PEBP4: variants seen among roughly 807,000 people sequenced by gnomAD.
PEBP4 encodes the protein phosphatidylethanolamine-binding protein 4.
Under a neutral mutation model 23.9 loss-of-function variants are expected in PEBP4, and 22 were observed. That is an observed-to-expected ratio of 0.92 (90% CI 0.66 to 1.31). PEBP4 has a LOEUF of 1.31. Among genes scored for constraint, PEBP4 ranks in the 40% most tolerant of loss-of-function variants. The probability of loss-of-function intolerance (pLI) is 0.00; values close to 1 mark genes in which losing one functional copy is unlikely to be tolerated. For synonymous variants in PEBP4, 112 were observed against 99.3 expected (o/e 1.13, Z -0.76); for missense variants, 324 against 281.7 (o/e 1.15, Z -1.07).
chr8:22,759,631 T>C (rs983873397), intron 4 of PEBP4, among the ~76,000 whole-genome samples: 3 of 152,190 alleles, frequency 2.0e-5, no homozygotes, highest in African/African-American at 7.2e-5. Flanking sequence ...GGCTCTGCCA[T>C]GGGTTCAAGT....
chr8:22,729,457 G>C (rs1166363087), intron 4 of PEBP4, among the ~76,000 whole-genome samples: 1 of 152,266 alleles, frequency 6.6e-6, no homozygotes, highest in Non-Finnish European at 1.5e-5. Context: ...AGGCAAGGGT[G>C]GGGGCCAGGG....
At chr8:22,716,918 C>T (rs758367658) in intron 6 of PEBP4, among the ~76,000 whole-genome samples, 4 of 152,200 alleles carry the variant, frequency 2.6e-5, no homozygotes, top group African/African-American at 7.2e-5. Flanking sequence ...CTGCCCTTGG[C>T]GAGTTTCTAA....
upstream of PEBP4, among the ~76,000 whole-genome samples, chr8:22,931,976 G>A (rs911960556): frequency 1.3e-5 from 2 of 152,188 alleles, no homozygotes; most frequent in African/African-American, 2.4e-5. Context: ...CATTGCAGCT[G>A]TTGGATGCAA....
upstream of PEBP4, among the ~76,000 whole-genome samples, chr8:22,928,446 G>T (rs573323881): frequency 6.6e-6 from 1 of 150,952 alleles, no homozygotes; most frequent in African/African-American, 2.5e-5. Flanking sequence ...CAAAATAATC[G>T]TATCTGGAGA....
At chr8:22,876,176 G>A (rs147765266) in intron 3 of PEBP4, among the ~76,000 whole-genome samples, 10 of 152,300 alleles carry the variant, frequency 6.6e-5, no homozygotes, top group African/African-American at 2.2e-4. Flanking sequence ...CTCCCAAAGT[G>A]CTGGGATTAC....
At chr8:22,869,920 G>A (rs376738761) in intron 3 of PEBP4, among the ~76,000 whole-genome samples, 5 of 152,212 alleles carry the variant, frequency 3.3e-5, no homozygotes, top group African/African-American at 1.2e-4. Context: ...TGCTGATGAC[G>A]ATGTGGAGCC....
At chr8:22,793,002 T>C (rs991341326) in intron 4 of PEBP4, among the ~76,000 whole-genome samples, 4 of 152,214 alleles carry the variant, frequency 2.6e-5, no homozygotes, top group African/African-American at 9.6e-5. Flanking sequence ...ATTTTAAAAT[T>C]GGATTACAAA....
intron 3 of PEBP4, among the ~76,000 whole-genome samples, chr8:22,890,785 A>G (rs1205902236): frequency 1.3e-5 from 2 of 152,168 alleles, no homozygotes; most frequent in East Asian, 1.9e-4. Flanking sequence ...CTTGAACCTC[A>G]CTAGTAACTT....
intron 3 of PEBP4, among the ~76,000 whole-genome samples, chr8:22,840,405 T>C (rs1027320759): frequency 6.6e-6 from 1 of 151,012 alleles, no homozygotes; most frequent in African/African-American, 2.4e-5. Context: ...TTTCTTCTTT[T>C]AATTTTTTTT....
At chr8:22,826,483 G>A (rs576116923) in intron 3 of PEBP4, among the ~76,000 whole-genome samples, 55 of 152,278 alleles carry the variant, frequency 3.6e-4, no homozygotes, top group Middle Eastern at 6.8e-3. Context: ...TAGAAAATAA[G>A]TGAACATTGT....
chr8:22,899,436 T>C (rs1257502156), intron 3 of PEBP4, among the ~76,000 whole-genome samples: 1 of 152,204 alleles, frequency 6.6e-6, no homozygotes, highest in Non-Finnish European at 1.5e-5. Context: ...AAATCATTAA[T>C]TCGGAAAAGC....
At chr8:22,884,135 A>G (rs2128773049) in intron 3 of PEBP4, 1 of 152,316 alleles carries the variant, frequency 6.6e-6, no homozygotes, top group South Asian at 2.1e-4. Context: ...GCTGCCTGCC[A>G]TCATCAGCAG....
At chr8:22,733,920 A>T (rs1804795139) in intron 4 of PEBP4, among the ~76,000 whole-genome samples, 2 of 151,610 alleles carry the variant, frequency 1.3e-5, no homozygotes, top group Admixed American at 6.6e-5. Flanking sequence ...TGTCATGGAG[A>T]TAAGGGAGAG....
intron 3 of PEBP4, among the ~76,000 whole-genome samples, chr8:22,901,407 ACT>A (rs1255366759): frequency 6.6e-6 from 1 of 151,662 alleles, no homozygotes; most frequent in African/African-American, 2.4e-5. Context: ...TGTGAGGATG[ACT>A]CTCTCTGCCC....
At chr8:22,925,256 T>C (rs1036369429) in intron 2 of PEBP4, 5 of 985,432 alleles carry the variant, frequency 5.1e-6, no homozygotes, top group Middle Eastern at 5.2e-4. Context: ...ATAAGTCTCT[T>C]TCTCAGACTG....
chr8:22,769,595 C>T (rs1270491154), intron 4 of PEBP4, among the ~76,000 whole-genome samples: 1 of 152,132 alleles, frequency 6.6e-6, no homozygotes, highest in Non-Finnish European at 1.5e-5. Flanking sequence ...AGAACAGGGC[C>T]TTTCCCCAGG....
chr8:22,893,779 A>C (rs1310767388), intron 3 of PEBP4, among the ~76,000 whole-genome samples: 2 of 152,200 alleles, frequency 1.3e-5, no homozygotes, highest in Non-Finnish European at 1.5e-5. Flanking sequence ...ACTGAAAAAA[A>C]CCCACCAGAA....
chr8:22,714,736 C>T (rs1804379258), intron 6 of PEBP4, among the ~76,000 whole-genome samples: 1 of 152,024 alleles, frequency 6.6e-6, no homozygotes, highest in South Asian at 2.1e-4. Context: ...ACGGGCCACC[C>T]ACCCTCCCAC....
chr8:22,753,182 T>C (rs2128752005), intron 4 of PEBP4, among the ~76,000 whole-genome samples: 1 of 152,342 alleles, frequency 6.6e-6, no homozygotes, highest in South Asian at 2.1e-4. Flanking sequence ...TCACTGTTAA[T>C]AATTCCTGCC....
Sources: allele counts gnomAD v4.1 joint callset (sites outside exome capture counted in the v4.1 genomes callset), GRCh38; gene constraint gnomAD v4.1.1; transcripts MANE v1.5; gene names NCBI Gene and HGNC (gene_info 2026-07-23, HGNC 2026-07-21).